Variants in BMP1 observed in about 807,000 individuals in gnomAD.
BMP1 encodes mammalian tolloid protein.
Under a neutral mutation model 116.8 loss-of-function variants are expected in BMP1, and 63 were observed. The ratio of observed to expected loss-of-function variants is 0.54; its 90% CI spans 0.44 to 0.67. The LOEUF (loss-of-function observed/expected upper bound fraction) is 0.67, where lower values mean the gene tolerates loss of function less well. Among genes scored for constraint, BMP1 ranks in the 30% least tolerant of loss-of-function variants. BMP1 has a pLI of 0.00. For missense variants in BMP1, 1,183 were observed against 1,358.9 expected, an observed-to-expected ratio of 0.87 and a Z score of 2.04; for synonymous variants, 536 against 533.4, an observed-to-expected ratio of 1.00 and a Z score of -0.07.
At chr8:22,205,710 G>A (rs1216042494) in intron 16 of BMP1, among the ~76,000 whole-genome samples, 1 of 152,224 alleles carries the variant, frequency 6.6e-6, no homozygotes, top group East Asian at 1.9e-4. Flanking sequence ...AGGAGCTCAA[G>A]GCTATGGTGA....
At chr8:22,204,725 C>A (rs1027788454) in intron 16 of BMP1, among the ~76,000 whole-genome samples, 6 of 140,882 alleles carry the variant, frequency 4.3e-5, no homozygotes, top group Non-Finnish European at 9.4e-5. Flanking sequence ...CCTGTCCCCC[C>A]CCACCCCGCC....
intron 1 of BMP1, among the ~76,000 whole-genome samples, chr8:22,173,046 A>G (rs887332387): frequency 2.6e-5 from 4 of 152,112 alleles, no homozygotes; most frequent in African/African-American, 9.7e-5. Context: ...CTAGGTCAGT[A>G]TTTATTTACT....
At chr8:22,188,970 C>T (rs768468751) in intron 8 of BMP1, among the ~76,000 whole-genome samples, 4 of 152,228 alleles carry the variant, frequency 2.6e-5, no homozygotes, top group African/African-American at 4.8e-5. Context: ...GGAGCCAGAG[C>T]GCCCTCACTC....
Position 22,194,166 on chromosome 8 carries a change from T to C in BMP1, c.1289T>C (p.Val430Ala). 1 of 1,613,962 alleles carries C rather than the reference T, an allele frequency of 6.2e-7. No homozygotes were observed. Among genetic ancestry groups the C allele is most frequent in the Non-Finnish European group, 8.5e-7 (1 of 1,179,868 alleles). ...SNWVGKGFFA[V>A]YEAICGGDVK... ...TGGGTTGGAAAGGGCTTCTTTGCAG[T>C]CTACGAAGGTACTGAGGAAGGCGGC... The change falls in exon 10 of 20, where the codon GTC becomes GCC. Residue 430 changes from valine (V) to alanine (A), a missense_variant. This residue lies in a region of BMP1 where 956 missense variants were observed against 1,135.2 expected (regional missense o/e 0.84). Transcript: ENST00000306385. The surrounding 1 kb of genome is among the most constrained non-coding windows in gnomAD (Gnocchi z 4.5).
Position 22,194,017 on chromosome 8 carries a change from C to T in BMP1, c.1181-41C>T, listed in dbSNP as rs753717338. The T allele has an allele frequency of 1.9e-6, 3 of 1,547,338 alleles. No individual in the cohort carries two copies. The highest frequency in any genetic ancestry group is 2.7e-6 in the Non-Finnish European group (3 of 1,119,720). On this transcript the variant is annotated intron_variant, in intron 9 of 19. Coordinates refer to ENST00000306385, the MANE Select transcript of BMP1 (RefSeq NM_006129.5). The surrounding 1 kb of genome is among the most constrained non-coding windows in gnomAD (Gnocchi z 4.5). ...GAGGTGGGGCCTCTATAGGGGGTGT[C>T]CTCAGGGTTCACCACTCTTCCATCC...
In BMP1 at chr8:22,176,629, T is replaced by C. The variant is rs1828443782; in HGVS notation, c.530T>C (p.Val177Ala). The C allele has an allele frequency of 6.2e-7, 1 of 1,614,154 alleles. No homozygotes were observed. The highest frequency in any genetic ancestry group is 1.3e-5 in the African/African-American group (1 of 75,038). ...CGCACTGACGAGGACAGCTATATTG[T>C]GTTCACCTATCGACCTTGCGGGTGA... is the stretch of plus-strand genomic sequence containing the variant. The part of the protein sequence containing the change: ...LERTDEDSYI[V>A]FTYRPCGCCS... The change falls in exon 4 of 20, where the codon GTG becomes GCG. Residue 177 changes from valine (V) to alanine (A), a missense_variant. Around this residue, in one of 4 missense-constraint regions of BMP1, gnomAD observed 956 missense variants for 1,135.2 expected, o/e 0.84. Transcript: ENST00000306385.
chr8:22,182,544 C>T (rs956109755), intron 8 of BMP1, among the ~76,000 whole-genome samples: 2 of 152,192 alleles, frequency 1.3e-5, no homozygotes, highest in Admixed American at 6.5e-5. Flanking sequence ...ATGCTGAATA[C>T]GTAAGATGCA....
chr8:22,178,556 G>A (rs1018734272), intron 6 of BMP1, among the ~76,000 whole-genome samples: 4 of 146,494 alleles, frequency 2.7e-5, no homozygotes, highest in Admixed American at 1.3e-4. Context: ...GATTACAGGC[G>A]CGAGCCACCA....
chr8:22,197,831 G>T (rs1377941796), intron 15 of BMP1, among the ~76,000 whole-genome samples: 1 of 152,188 alleles, frequency 6.6e-6, no homozygotes, highest in South Asian at 2.1e-4. Flanking sequence ...GTCTCTGGCA[G>T]TGGCGGACTT....
intron 8 of BMP1, among the ~76,000 whole-genome samples, chr8:22,181,414 G>A (rs1479119614): frequency 3.3e-5 from 5 of 152,198 alleles, no homozygotes; most frequent in African/African-American, 9.6e-5. Flanking sequence ...AAGTAGGGTG[G>A]ACACCGAGTG....
rs777042213 is a variant in BMP1 at position 22,207,393 on chromosome 8, C to G, written c.2452C>G (p.Leu818Val). 1.9e-6 allele frequency: 3 copies of G among 1,614,110 alleles called. No individual in the cohort carries two copies. The Admixed American group carries it at 5.0e-5, about 27-fold the overall frequency. ...FDGRDAKAPV[L>V]GRFCGSKKPE... is the part of the protein sequence containing the mutation. Reference sequence around the variant, plus strand: ...CGGGCGAGACGCCAAGGCCCCCGTCCTCGGCCGCTTCTGTGGGAGCAAGAA... The same window carrying G: ...CGGGCGAGACGCCAAGGCCCCCGTCGTCGGCCGCTTCTGTGGGAGCAAGAA... The change falls in exon 18 of 20, where the codon CTC (leucine) becomes GTC (valine). Residue 818 changes from leucine to valine, a missense_variant. By Grantham distance (32) the Leu-to-Val change is conservative. Around this residue, in one of 4 missense-constraint regions of BMP1, gnomAD observed 956 missense variants for 1,135.2 expected, o/e 0.84. Transcript: ENST00000306385.
chr8:22,208,945 A>G (rs1201365924), intron 18 of BMP1, among the ~76,000 whole-genome samples: 3 of 152,214 alleles, frequency 2.0e-5, no homozygotes, highest in Non-Finnish European at 4.4e-5. Flanking sequence ...TTCCCAGCAC[A>G]GGGTCACAAA....
At chr8:22,177,303 T>C (rs1199475064) in intron 5 of BMP1, among the ~76,000 whole-genome samples, 164 bp downstream of exon 5, 1 of 152,174 alleles carries the variant, frequency 6.6e-6, no homozygotes, top group Non-Finnish European at 1.5e-5. Flanking sequence ...CTTGAGGCAT[T>C]TCCTCCTCCG....
intron 18 of BMP1, among the ~76,000 whole-genome samples, chr8:22,208,339 C>T (rs78869757): frequency 0.028 from 4,301 of 152,332 alleles, 128 homozygotes; most frequent in South Asian, 0.09. Context: ...CTCCGCTCTG[C>T]GAGAGGACTA....
chr8:22,194,377 A>G lies in BMP1; in HGVS notation c.1298-68A>G, dbSNP rs1295502225. 1 of 1,588,734 alleles carries G rather than the reference A, an allele frequency of 6.3e-7. No homozygotes were observed. Among genetic ancestry groups the G allele is most frequent in the Non-Finnish European group, 8.6e-7 (1 of 1,164,492 alleles). On this transcript the variant is annotated intron_variant, in intron 10 of 19. Transcript: ENST00000306385. The surrounding 1 kb of genome is among the most constrained non-coding windows in gnomAD (Gnocchi z 4.5). ...GGGAGGGACTGGAGGAGTGGGGAAA[A>G]GAGCTCCCTAGCAGGGCAAAGCATG... is the stretch of plus-strand genomic sequence containing the variant.
At chr8:22,187,938 C>T (rs774790412) in intron 8 of BMP1, among the ~76,000 whole-genome samples, 8 of 152,090 alleles carry the variant, frequency 5.3e-5, no homozygotes, top group Non-Finnish European at 1.2e-4. Flanking sequence ...GGTTGATGGG[C>T]CTAAAGATCA....
chr8:22,182,213 T>C (rs1022952092), intron 8 of BMP1, among the ~76,000 whole-genome samples: 4 of 152,234 alleles, frequency 2.6e-5, no homozygotes, highest in African/African-American at 7.2e-5. Flanking sequence ...TCATTTTGAA[T>C]CAGAATTTCA....
At chr8:22,198,851 T>G in intron 15 of BMP1, 102 of 871,752 alleles carry the variant, frequency 1.2e-4, no homozygotes, top group Non-Finnish European at 1.4e-4. Context: ...CCCCGCTTGC[T>G]GAGACCCTCC....
At chr8:22,176,470 G>T (rs1317834786) in intron 3 of BMP1, 63 bp from the exon 4 acceptor site, 1 of 1,583,592 alleles carries the variant, frequency 6.3e-7, no homozygotes, top group African/African-American at 1.3e-5. Context: ...TGACTCTTCA[G>T]TGGTGGGTAG....
Sources: gnomAD v4.1 joint callset for allele counts (sites outside exome capture counted in the v4.1 genomes callset) on GRCh38, gnomAD v4.1.1 for gene constraint, gnomAD v4.1.1 regional missense constraint, Gnocchi (gnomAD v3.1) non-coding constraint, MANE v1.5 for transcripts, NCBI Gene and HGNC (gene_info 2026-07-23, HGNC 2026-07-21) for gene names.